Variants in PLAC1 observed in about 807,000 individuals in gnomAD.
PLAC1 encodes placenta-specific protein 1.
For synonymous variants in PLAC1, 68 were observed against 62.1 expected, an observed-to-expected ratio of 1.09 and a Z score of -0.44; for missense variants, 136 against 163.2, an observed-to-expected ratio of 0.83 and a Z score of 0.91.
At chrX:134,745,114 C>G (rs1166018330) in intron 1 of PLAC1, among the ~76,000 whole-genome samples, 1 of 111,501 alleles carries the variant, frequency 9.0e-6, no homozygotes, top group African/African-American at 3.3e-5. Context: ...GTTCCTTTTC[C>G]CCACTCTTCT....
chrX:134,712,661 C>A (rs2147834440), intron 2 of PLAC1, among the ~76,000 whole-genome samples: 1 of 111,252 alleles, frequency 9.0e-6, no homozygotes, highest in South Asian at 3.8e-4. Flanking sequence ...AATTTGGGGG[C>A]CAATCCACCT....
At chrX:134,747,979 T>C in intron 1 of PLAC1, among the ~76,000 whole-genome samples, 1 of 112,001 alleles carries the variant, frequency 8.9e-6, no homozygotes. Flanking sequence ...AAAATTGGCC[T>C]TAGATACGCT....
chrX:134,671,096 C>G (rs2078453871), intron 2 of PLAC1, among the ~76,000 whole-genome samples: 1 of 112,023 alleles, frequency 8.9e-6, no homozygotes, highest in South Asian at 3.8e-4. Flanking sequence ...CCAAGTTTCT[C>G]TCTGTGATAG....
chrX:134,646,922 T>G (rs978817698), intron 1 of PLAC1, among the ~76,000 whole-genome samples: 1 of 111,751 alleles, frequency 8.9e-6, no homozygotes, highest in African/African-American at 3.3e-5. Context: ...GAGCAAGATT[T>G]ATTGCCTAAG....
At chrX:134,743,832 C>T (rs1033940438) in intron 1 of PLAC1, among the ~76,000 whole-genome samples, 1 of 112,150 alleles carries the variant, frequency 8.9e-6, no homozygotes, top group African/African-American at 3.2e-5. Flanking sequence ...ATTTAAAGGG[C>T]TAACCAATAC....
chrX:134,597,457 A>G (rs1399618190), intron 2 of PLAC1, among the ~76,000 whole-genome samples: 1 of 112,289 alleles, frequency 8.9e-6, no homozygotes, highest in Non-Finnish European at 1.9e-5. Flanking sequence ...AGATAATTCT[A>G]TCTCATCATC....
chrX:134,649,567 A>G (rs766821578), intron 1 of PLAC1, among the ~76,000 whole-genome samples: 1 of 111,277 alleles, frequency 9.0e-6, no homozygotes, highest in South Asian at 3.8e-4. Context: ...GCCACTGACT[A>G]TACTATAATG....
chrX:134,570,846 T>TC (rs2077904472), intron 2 of PLAC1, among the ~76,000 whole-genome samples: 1 of 112,344 alleles, frequency 8.9e-6, no homozygotes, highest in Non-Finnish European at 1.9e-5. Context: ...TTTTCCTCTT[T>TC]CCCTTTTTTT....
intron 1 of PLAC1, among the ~76,000 whole-genome samples, chrX:134,757,972 A>G (rs1452298462): frequency 9.0e-6 from 1 of 111,724 alleles, no homozygotes; most frequent in Non-Finnish European, 1.9e-5. Context: ...TACAAAATCA[A>G]TGTACAAAAA....
At chrX:134,704,562 GA>G (rs1462370288) in intron 2 of PLAC1, among the ~76,000 whole-genome samples, 1 of 101,952 alleles carries the variant, frequency 9.8e-6, no homozygotes, top group Non-Finnish European at 2.0e-5. Context: ...AAAACAAAAT[GA>G]AAAAATAAAT....
At position 134,566,589 on chromosome X, in the gene PLAC1, T is replaced by G. The variant is rs756038663; in HGVS notation, c.94A>C (p.Ile32Leu). 1.2e-5 allele frequency: 15 copies of G among 1,209,066 alleles called. No homozygotes were observed. In the East Asian group the frequency reaches 3.9e-4, roughly 31 times the overall value. ...GQSPMTVLCS[I>L]DWFMVTVHPF... ...TGCACTGTGACCATGAACCAGTCTATGGAGCACAGCACAGTCATTGGACTT... is the reference window on the plus strand; with the variant it reads ...TGCACTGTGACCATGAACCAGTCTAGGGAGCACAGCACAGTCATTGGACTT... Residue 32 changes from isoleucine (I) to leucine (L), a missense_variant, in exon 3 of 3, where the codon ATA becomes CTA. By Grantham distance (5) the Ile-to-Leu change is conservative. Coordinates refer to ENST00000359237, the MANE Select transcript of PLAC1 (RefSeq NM_021796.4).
intron 2 of PLAC1, among the ~76,000 whole-genome samples, chrX:134,578,515 C>T (rs867779683): frequency 1.3e-4 from 7 of 55,962 alleles, no homozygotes; most frequent in South Asian, 1.9e-3. Context: ...TTCTTTCTTT[C>T]TTTTTTTTTT....
intron 1 of PLAC1, among the ~76,000 whole-genome samples, chrX:134,757,626 T>C (rs2078760312): frequency 9.0e-6 from 1 of 111,717 alleles, no homozygotes; most frequent in African/African-American, 3.3e-5. Flanking sequence ...AATTTGAATA[T>C]GGGCTATGAA....
intron 2 of PLAC1, among the ~76,000 whole-genome samples, chrX:134,579,175 C>T (rs1344642246): frequency 2.7e-5 from 3 of 110,459 alleles, no homozygotes; most frequent in Non-Finnish European, 5.7e-5. Context: ...AGAATGCACT[C>T]CCTCCTGTTA....
chrX:134,619,950 TTTTG>T (rs1239028349), intron 1 of PLAC1, among the ~76,000 whole-genome samples: 3 of 111,953 alleles, frequency 2.7e-5, no homozygotes, highest in Non-Finnish European at 3.8e-5. Flanking sequence ...GCAGTAAGTT[TTTTG>T]TTTGTTTGTT....
intron 2 of PLAC1, among the ~76,000 whole-genome samples, chrX:134,596,876 C>T (rs968139078): frequency 4.5e-5 from 5 of 110,737 alleles, no homozygotes; most frequent in African/African-American, 1.3e-4. Context: ...GGATTATAGG[C>T]ACGAGCCACT....
At chrX:134,594,802 T>C (rs747285617) in intron 2 of PLAC1, among the ~76,000 whole-genome samples, 1 of 110,054 alleles carries the variant, frequency 9.1e-6, no homozygotes, top group Non-Finnish European at 1.9e-5. Flanking sequence ...AAATTTTTTA[T>C]TTTTTGCAAA....
intron 2 of PLAC1, among the ~76,000 whole-genome samples, chrX:134,585,868 G>C (rs1393251462): frequency 9.0e-6 from 1 of 111,631 alleles, no homozygotes; most frequent in East Asian, 2.8e-4. Flanking sequence ...TTGGGGGAGG[G>C]AACTAGGGGT....
intron 2 of PLAC1, among the ~76,000 whole-genome samples, chrX:134,704,818 C>T (rs1383706033): frequency 9.9e-6 from 1 of 101,028 alleles, no homozygotes; most frequent in Non-Finnish European, 2.0e-5. Flanking sequence ...TGGTGAAACC[C>T]CATCTCTACC....
Sources: gnomAD v4.1 joint callset for allele counts (sites outside exome capture counted in the v4.1 genomes callset) on GRCh38, gnomAD v4.1.1 for gene constraint, MANE v1.5 for transcripts, NCBI Gene and HGNC (gene_info 2026-07-23, HGNC 2026-07-21) for gene names.